Variants in SELENOF observed in about 807,000 individuals in gnomAD.
The protein encoded by SELENOF is selenoprotein F.
SELENOF carries 16 observed loss-of-function variants against 20.5 expected under a neutral mutation model. The ratio of observed to expected loss-of-function variants is 0.78; its 90% CI spans 0.53 to 1.19. The LOEUF is 1.19. Among genes scored for constraint, SELENOF ranks in the 50% most tolerant of loss-of-function variants. SELENOF has a pLI of 0.00. For missense variants in SELENOF, 215 were observed against 194.2 expected, an observed-to-expected ratio of 1.11 and a Z score of -0.64; for synonymous variants, 78 against 74.5, an observed-to-expected ratio of 1.05 and a Z score of -0.24.
chr1:86,883,114 G>A lies in SELENOF; in HGVS notation c.253-2389C>T, dbSNP rs189368400. 1.0e-4 allele frequency among the ~76,000 whole-genome samples: 15 copies of A among 144,318 alleles called. No individual in the cohort carries two copies. In the East Asian group the frequency reaches 1.6e-3, roughly 15 times the overall value. The allele number at this position is 144,318 out of a possible 152,430, so 94.7% of individuals were successfully genotyped here. On this transcript the variant is annotated intron_variant, in intron 2 of 4. Transcript: ENST00000331835. ...GCACTCAAACCTGGGGGACAAGAGC[G>A]AGACTTGTCTCAAAAAAAAAAAAAA...
At chr1:86,864,971 CTTT>C (rs1462525346) in intron 4 of SELENOF, among the ~76,000 whole-genome samples, 2 of 149,638 alleles carry the variant, frequency 1.3e-5, no homozygotes, top group African/African-American at 4.9e-5. Context: ...ATTTTTTTTT[CTTT>C]TTTGCTTGGA....
chr1:86,901,891 C>T (rs1243180309), intron 2 of SELENOF, among the ~76,000 whole-genome samples: 1 of 152,158 alleles, frequency 6.6e-6, no homozygotes, highest in Non-Finnish European at 1.5e-5. Flanking sequence ...TTACCCTAAT[C>T]ACAAGGGGGT....
chr1:86,866,578 T>C (rs1001661735), intron 4 of SELENOF, among the ~76,000 whole-genome samples: 1 of 152,134 alleles, frequency 6.6e-6, no homozygotes, highest in Non-Finnish European at 1.5e-5. Context: ...TACTGGACTG[T>C]AGTACACTTA....
chr1:86,908,055 T>C (rs966130484), intron 1 of SELENOF, among the ~76,000 whole-genome samples: 3 of 152,118 alleles, frequency 2.0e-5, no homozygotes, highest in African/African-American at 7.2e-5. Context: ...CACTGTTTTA[T>C]TTTTCCAGTA....
rs532827633 is a variant in SELENOF at position 86,903,113 on chromosome 1, C to A, written c.252+168G>T. ...CTGGTATGCAACCATACTTCTCCTT[C>A]ATATTTGCTTTGATTGAACTAATAG... On this transcript the variant is annotated intron_variant, in intron 2 of 4. Coordinates refer to ENST00000331835, the MANE Select transcript of SELENOF (RefSeq NM_004261.5). 2.0e-5 allele frequency among the ~76,000 whole-genome samples: 3 copies of A among 152,316 alleles called. No individual in the cohort carries two copies. In the South Asian group the frequency reaches 6.2e-4, roughly 32 times the overall value.
At chr1:86,881,235 TATAAAGAA>T (rs1343160840) in intron 2 of SELENOF, among the ~76,000 whole-genome samples, 2 of 152,196 alleles carry the variant, frequency 1.3e-5, no homozygotes, top group African/African-American at 4.8e-5. Context: ...AAAATCTCAT[TATAAAGAA>T]CTCAAATGCA....
intron 3 of SELENOF, among the ~76,000 whole-genome samples, chr1:86,874,558 A>T (rs2740769): frequency 0.082 from 12,417 of 151,954 alleles, 677 homozygotes; most frequent in Non-Finnish European, 0.12. Flanking sequence ...AGTATTTTTT[A>T]AAAAAGTATT....
At chr1:86,899,480 G>A (rs1570401301) in intron 2 of SELENOF, among the ~76,000 whole-genome samples, 1 of 130,944 alleles carries the variant, frequency 7.6e-6, no homozygotes, top group Admixed American at 7.1e-5. Context: ...TCACTTCCCA[G>A]TAGGGGCGGC....
At chr1:86,866,533 A>G (rs1658600485) in intron 4 of SELENOF, among the ~76,000 whole-genome samples, 1 of 152,140 alleles carries the variant, frequency 6.6e-6, no homozygotes, top group Non-Finnish European at 1.5e-5. Flanking sequence ...AAAAAGTTAT[A>G]GAGAACTGTT....
In SELENOF at chr1:86,914,056, C is replaced by T; in HGVS notation, c.56G>A (p.Arg19Gln). The T allele has an allele frequency of 6.2e-7, 1 of 1,613,978 alleles. No homozygotes were observed. The highest frequency in any genetic ancestry group is 8.5e-7 in the Non-Finnish European group (1 of 1,179,878). Residue 19 changes from arginine (R) to glutamine (Q), a missense_variant, in exon 1 of 5, where the codon CGG becomes CAG. Physicochemically the swap from Arg to Gln is conservative, Grantham distance 43. Transcript: ENST00000331835. ...TTGAAGCACAGTCGCCAACAACAAC[C>T]GTAGCCCAAACGCCGGCACCAGACA... ...SGCLVPAFGL[R>Q]LLLATVLQAV...
At chr1:86,890,922 TC>T (rs1659366947) in intron 2 of SELENOF, among the ~76,000 whole-genome samples, 3 of 152,176 alleles carry the variant, frequency 2.0e-5, no homozygotes, top group Admixed American at 2.0e-4. Context: ...AGTTCCCCTT[TC>T]CTTCCAACTT....
At chr1:86,902,977 T>C (rs1040764864) in intron 2 of SELENOF, among the ~76,000 whole-genome samples, 1 of 152,232 alleles carries the variant, frequency 6.6e-6, no homozygotes, top group African/African-American at 2.4e-5. Context: ...GCACCTATTA[T>C]TTTTTGGCTT....
intron 3 of SELENOF, among the ~76,000 whole-genome samples, chr1:86,875,949 A>T (rs1242797273): frequency 6.6e-6 from 1 of 152,142 alleles, no homozygotes; most frequent in Non-Finnish European, 1.5e-5. Flanking sequence ...GTGAATCTAG[A>T]AGAGAAACCA....
chr1:86,869,685 G>A (rs1406951532), intron 3 of SELENOF, among the ~76,000 whole-genome samples: 2 of 152,048 alleles, frequency 1.3e-5, no homozygotes, highest in Non-Finnish European at 2.9e-5. Context: ...ATTAAAAGGT[G>A]TGTAATACAT....
intron 2 of SELENOF, among the ~76,000 whole-genome samples, chr1:86,894,111 A>G (rs1659458605): frequency 6.7e-6 from 1 of 150,126 alleles, no homozygotes; most frequent in African/African-American, 2.5e-5. Context: ...TTCTACTGGT[A>G]TTTTGTGAAG....
chr1:86,885,505 G>A (rs1475671120), intron 2 of SELENOF, among the ~76,000 whole-genome samples: 1 of 152,054 alleles, frequency 6.6e-6, no homozygotes. Context: ...TAACTCTTGT[G>A]CCATCATCAT....
Position 86,907,053 on chromosome 1 carries a change from G to A in SELENOF, c.85-3605C>T, listed in dbSNP as rs570161259. ...TTCTGGCATTTATGGAGCACCTACTGACAGGTAGCATGACTATGCAAAACA... is the reference window on the plus strand; with the variant it reads ...TTCTGGCATTTATGGAGCACCTACTAACAGGTAGCATGACTATGCAAAACA... On this transcript the variant is annotated intron_variant, in intron 1 of 4. Coordinates refer to ENST00000331835, the MANE Select transcript of SELENOF (RefSeq NM_004261.5). 4.6e-5 allele frequency among the ~76,000 whole-genome samples: 7 copies of A among 152,310 alleles called. No individual in the cohort carries two copies. The South Asian group carries it at 1.4e-3, about 32-fold the overall frequency.
At chr1:86,885,668 CTAAT>C (rs1659194073) in intron 2 of SELENOF, among the ~76,000 whole-genome samples, 1 of 152,136 alleles carries the variant, frequency 6.6e-6, no homozygotes, top group Admixed American at 6.6e-5. Context: ...CCTTGATAAA[CTAAT>C]TATTTAAGTT....
rs994169834 is a variant in SELENOF at position 86,872,782 on chromosome 1, C to T, written c.317-4680G>A. On this transcript the variant is annotated intron_variant, in intron 3 of 4. Coordinates refer to ENST00000331835, the MANE Select transcript of SELENOF (RefSeq NM_004261.5). The stretch of plus-strand genomic sequence containing the variant: ...CACGGGCCCGGCGTGGTAGCTCACG[C>T]CTGTAATCCCAGCACTTTGGGAGGC... 2.0e-5 allele frequency among the ~76,000 whole-genome samples: 3 copies of T among 152,028 alleles called. 1 individual carries two copies. Among genetic ancestry groups the T allele is most frequent in the Non-Finnish European group, 4.4e-5 (3 of 68,002 alleles).
Sources: gnomAD v4.1 joint callset for allele counts (sites outside exome capture counted in the v4.1 genomes callset) on GRCh38, gnomAD v4.1.1 for gene constraint, MANE v1.5 for transcripts, NCBI Gene and HGNC (gene_info 2026-07-23, HGNC 2026-07-21) for gene names.